The following KDM2B variants were observed in gnomAD, a reference collection of about 807,000 sequenced individuals.
KDM2B encodes the protein lysine-specific demethylase 2B.
KDM2B carries 26 observed loss-of-function variants against 150.0 expected under a neutral mutation model. That is an observed-to-expected ratio of 0.17 (90% CI 0.13 to 0.24). The LOEUF (loss-of-function observed/expected upper bound fraction) is 0.24, where lower values mean the gene tolerates loss of function less well. Ranked by LOEUF, KDM2B falls within the 10% of genes least tolerant of loss-of-function variation. The pLI, the probability that KDM2B is intolerant of heterozygous loss-of-function variation, is 1.00. For synonymous variants in KDM2B, 734 were observed against 729.5 expected, an observed-to-expected ratio of 1.01 and a Z score of -0.10; for missense variants, 1,265 against 1,816.9, an observed-to-expected ratio of 0.70 and a Z score of 5.52.
At chr12:121,532,550 G>A (rs891693767) in intron 8 of KDM2B, among the ~76,000 whole-genome samples, 5 of 152,230 alleles carry the variant, frequency 3.3e-5, no homozygotes, top group Non-Finnish European at 5.9e-5. Flanking sequence ...GTCCTGCACA[G>A]GGATTCGAGT....
intron 4 of KDM2B, among the ~76,000 whole-genome samples, chr12:121,559,511 C>T (rs28698384): frequency 0.21 from 32,172 of 152,070 alleles, 3,880 homozygotes; most frequent in South Asian, 0.31. Context: ...ACAGACGTGA[C>T]AGAACACTAC....
chr12:121,438,220 C>CTCCA (rs1347066977), intron 22 of KDM2B, among the ~76,000 whole-genome samples: 5 of 149,340 alleles, frequency 3.3e-5, no homozygotes, highest in Non-Finnish European at 5.9e-5. Context: ...CACCACTGCA[C>CTCCA]TCCAGCCTGG....
chr12:121,499,686 G>A (rs1354572400), intron 11 of KDM2B, among the ~76,000 whole-genome samples: 4 of 151,762 alleles, frequency 2.6e-5, no homozygotes, highest in African/African-American at 9.7e-5. Context: ...GGTGGCTCAC[G>A]CCTGTAATTC....
chr12:121,465,553 G>A (rs1879773290), intron 12 of KDM2B, among the ~76,000 whole-genome samples: 1 of 152,166 alleles, frequency 6.6e-6, no homozygotes, highest in South Asian at 2.1e-4. Flanking sequence ...TCTCTTAACA[G>A]AAGTTTCTCT....
intron 6 of KDM2B, among the ~76,000 whole-genome samples, chr12:121,539,843 G>A (rs892489086): frequency 2.0e-5 from 3 of 152,082 alleles, no homozygotes; most frequent in African/African-American, 7.2e-5. Context: ...GAGTTTAAGA[G>A]ATTCTCATGC....
chr12:121,427,615 G>T (rs1223228944), downstream of KDM2B, among the ~76,000 whole-genome samples: 2 of 152,202 alleles, frequency 1.3e-5, no homozygotes, highest in Non-Finnish European at 2.9e-5. Context: ...GGATTGTTCA[G>T]TACTCTTGGG....
At chr12:121,496,896 G>T (rs1207442301) in intron 11 of KDM2B, among the ~76,000 whole-genome samples, 1 of 151,850 alleles carries the variant, frequency 6.6e-6, no homozygotes, top group Non-Finnish European at 1.5e-5. Context: ...GATTGCAGGT[G>T]TGAGCCCCCC....
At chr12:121,559,685 G>C (rs1265692086) in intron 4 of KDM2B, among the ~76,000 whole-genome samples, 7 of 152,000 alleles carry the variant, frequency 4.6e-5, no homozygotes, top group African/African-American at 1.7e-4. Context: ...AGGATCACCT[G>C]AGGTCGGGAG....
chr12:121,423,838 G>C, the KDM2B span: 3 of 406,030 alleles, frequency 7.4e-6, no homozygotes, highest in Non-Finnish European at 1.3e-5. The surrounding 1 kb of genome is among the most constrained non-coding windows in gnomAD (Gnocchi z 4.3). Context: ...AAGTCAGCCT[G>C]TTTGCGCCAT....
intron 12 of KDM2B, among the ~76,000 whole-genome samples, chr12:121,475,756 T>A (rs6489812): frequency 0.65 from 98,624 of 151,066 alleles, 34,092 homozygotes; most frequent in African/African-American, 0.9. Flanking sequence ...AGAAAGAAAA[T>A]CTTGGAGATG....
At chr12:121,574,700 C>A (rs1368676353) in intron 3 of KDM2B, 107 bp from the exon 4 acceptor site, 23 of 1,000,762 alleles carry the variant, frequency 2.3e-5, no homozygotes, top group Admixed American at 2.2e-4. Context: ...CCTTTCCCCT[C>A]AGTTTGGGAA....
intron 6 of KDM2B, among the ~76,000 whole-genome samples, chr12:121,536,790 G>T (rs1303902925): frequency 6.6e-6 from 1 of 151,782 alleles, no homozygotes; most frequent in Non-Finnish European, 1.5e-5. Context: ...TTCTCTTGTC[G>T]ACAGCTGGAA....
chr12:121,412,403 C>T, the KDM2B span, among the ~76,000 whole-genome samples: 1 of 151,370 alleles, frequency 6.6e-6, no homozygotes, highest in Non-Finnish European at 1.5e-5. Context: ...CCACGCCAGG[C>T]TAATTTTGTT....
intron 12 of KDM2B, chr12:121,470,521 T>A (rs1555295785): frequency 1.3e-5 from 2 of 152,262 alleles, no homozygotes; most frequent in African/African-American, 4.8e-5. Context: ...GCTTTAAGCA[T>A]GTTCAAAGGG....
intron 12 of KDM2B, among the ~76,000 whole-genome samples, chr12:121,459,765 G>A (rs1878838954): frequency 6.6e-6 from 1 of 151,940 alleles, no homozygotes; most frequent in Non-Finnish European, 1.5e-5. Flanking sequence ...AGGAGGCAGA[G>A]GTTGCAGTGA....
At chr12:121,423,149 T>C in the KDM2B span, among the ~76,000 whole-genome samples, 1 of 152,262 alleles carries the variant, frequency 6.6e-6, no homozygotes, top group Non-Finnish European at 1.5e-5. The surrounding 1 kb of genome is among the most constrained non-coding windows in gnomAD (Gnocchi z 4.3). Context: ...TAACATTTGT[T>C]GGGTACGTCA....
At chr12:121,498,499 A>AT (rs1248011741) in intron 11 of KDM2B, among the ~76,000 whole-genome samples, 7 of 152,242 alleles carry the variant, frequency 4.6e-5, no homozygotes, top group Admixed American at 4.6e-4. Flanking sequence ...AAATCTCTGC[A>AT]TTTTTAAATG....
At chr12:121,525,790 T>C (rs1887080506) in intron 8 of KDM2B, among the ~76,000 whole-genome samples, 1 of 152,246 alleles carries the variant, frequency 6.6e-6, no homozygotes, top group South Asian at 2.1e-4. Flanking sequence ...AAGAAATACC[T>C]GGGGCTACCA....
At chr12:121,472,983 A>C (rs1880929282) in intron 12 of KDM2B, among the ~76,000 whole-genome samples, 1 of 152,166 alleles carries the variant, frequency 6.6e-6, no homozygotes. Context: ...TAAACAGAGC[A>C]CCAATCCCAT....
Sources: gnomAD v4.1 joint callset for allele counts (sites outside exome capture counted in the v4.1 genomes callset) on GRCh38, gnomAD v4.1.1 for gene constraint, Gnocchi (gnomAD v3.1) non-coding constraint, MANE v1.5 for transcripts, NCBI Gene and HGNC (gene_info 2026-07-23, HGNC 2026-07-21) for gene names.